The following RAP1GDS1 variants were observed in gnomAD, a reference collection of about 807,000 sequenced individuals.
RAP1GDS1 encodes the protein RAP1, GTP-GDP dissociation stimulator 1.
Under a neutral mutation model 71.1 loss-of-function variants are expected in RAP1GDS1, and 35 were observed. The ratio of observed to expected loss-of-function variants is 0.49; its 90% CI spans 0.38 to 0.65. RAP1GDS1 has a LOEUF of 0.65. Among genes scored for constraint, RAP1GDS1 ranks in the 30% least tolerant of loss-of-function variants. RAP1GDS1 has a pLI of 0.00. For synonymous variants in RAP1GDS1, 229 were observed against 243.1 expected, an observed-to-expected ratio of 0.94 and a Z score of 0.54; for missense variants, 663 against 706.1, an observed-to-expected ratio of 0.94 and a Z score of 0.69.
chr4:98,273,113 C>T (rs373100340), intron 1 of RAP1GDS1, among the ~76,000 whole-genome samples: 7 of 152,242 alleles, frequency 4.6e-5, no homozygotes, highest in South Asian at 4.2e-4. Flanking sequence ...TCTAGGCTCT[C>T]GTCTCCTTTG....
chr4:98,295,960 T>C (rs992037794), intron 2 of RAP1GDS1, among the ~76,000 whole-genome samples: 3 of 152,192 alleles, frequency 2.0e-5, no homozygotes, highest in Non-Finnish European at 4.4e-5. Flanking sequence ...ATTGAGCCAT[T>C]GCTACTTCTG....
At chr4:98,355,864 T>G (rs1403425216) in intron 4 of RAP1GDS1, among the ~76,000 whole-genome samples, 1 of 152,154 alleles carries the variant, frequency 6.6e-6, no homozygotes, top group Non-Finnish European at 1.5e-5. Flanking sequence ...TAAAGCTTTG[T>G]TGCTGATGAA....
At chr4:98,329,516 G>A (rs903009430) in intron 2 of RAP1GDS1, among the ~76,000 whole-genome samples, 6 of 152,050 alleles carry the variant, frequency 3.9e-5, no homozygotes, top group African/African-American at 1.4e-4. Context: ...AGGGCAAGGT[G>A]TGGTGGCTCA....
chr4:98,270,238 T>C (rs1303617480), intron 1 of RAP1GDS1, among the ~76,000 whole-genome samples: 2 of 152,152 alleles, frequency 1.3e-5, no homozygotes, highest in South Asian at 2.1e-4. Context: ...TACTGTTGTG[T>C]TTAAGTTTCA....
At chr4:98,428,489 TCAAA>T (rs1476801033) in intron 12 of RAP1GDS1, among the ~76,000 whole-genome samples, 5 of 151,650 alleles carry the variant, frequency 3.3e-5, no homozygotes, top group African/African-American at 7.3e-5. Context: ...TACAATAAAC[TCAAA>T]CAAACTAGCA....
chr4:98,358,780 G>A (rs1300017209), intron 4 of RAP1GDS1, among the ~76,000 whole-genome samples: 1 of 151,898 alleles, frequency 6.6e-6, no homozygotes, highest in Admixed American at 6.6e-5. Context: ...ATATGAATAA[G>A]GTCTGACATT....
chr4:98,382,011 G>A (rs1477326258), intron 5 of RAP1GDS1, among the ~76,000 whole-genome samples: 3 of 151,310 alleles, frequency 2.0e-5, no homozygotes, highest in African/African-American at 7.3e-5. Flanking sequence ...CATTAAATAA[G>A]GAATAAAACA....
intron 5 of RAP1GDS1, among the ~76,000 whole-genome samples, chr4:98,388,364 G>T (rs937800930): frequency 6.6e-6 from 1 of 152,008 alleles, no homozygotes; most frequent in Non-Finnish European, 1.5e-5. Context: ...TATCACTTCT[G>T]CTAAGCACAT....
chr4:98,344,520 G>A (rs1735958839), intron 3 of RAP1GDS1, among the ~76,000 whole-genome samples: 1 of 151,990 alleles, frequency 6.6e-6, no homozygotes, highest in Non-Finnish European at 1.5e-5. Flanking sequence ...TTGTGAAATG[G>A]ATTGCCATTC....
intron 5 of RAP1GDS1, among the ~76,000 whole-genome samples, chr4:98,387,833 CCTGGAGGTG>C (rs1742993630): frequency 6.6e-6 from 1 of 152,102 alleles, no homozygotes; most frequent in Admixed American, 6.5e-5. Flanking sequence ...ATAACATTCT[CCTGGAGGTG>C]CTGATATTCA....
Position 98,416,799 on chromosome 4 carries a change from T to C in RAP1GDS1, c.818T>C (p.Ile273Thr). The change falls in exon 8 of 15, where the codon ATT becomes ACT. Residue 273 changes from isoleucine (I) to threonine (T), a missense_variant. By Grantham distance (89) the Ile-to-Thr change is moderately conservative. Transcript: ENST00000408927. ...EAGLVECLLE[I>T]VQQKVDSDKE... The stretch of plus-strand genomic sequence containing the variant: ...GGCCTAGTAGAGTGTCTACTAGAGA[T>C]TGTTCAGCAAAAAGTGGATAGTGAC... 6.2e-7 allele frequency: 1 copy of C among 1,612,542 alleles called. No individual in the cohort carries two copies. The highest frequency in any genetic ancestry group is 8.5e-7 in the Non-Finnish European group (1 of 1,178,588).
At chr4:98,296,352 T>TAG (rs1727751067) in intron 2 of RAP1GDS1, among the ~76,000 whole-genome samples, 2 of 152,142 alleles carry the variant, frequency 1.3e-5, no homozygotes, top group Admixed American at 6.6e-5. Flanking sequence ...AATCTGAAAT[T>TAG]AGAATTTTTA....
At chr4:98,413,183 TC>T (rs1338694198) in intron 7 of RAP1GDS1, among the ~76,000 whole-genome samples, 1 of 150,982 alleles carries the variant, frequency 6.6e-6, no homozygotes, top group East Asian at 1.9e-4. Flanking sequence ...TTTATAGACC[TC>T]CCCCCAGGAA....
At chr4:98,315,928 C>A (rs1730869397) in intron 2 of RAP1GDS1, among the ~76,000 whole-genome samples, 1 of 152,026 alleles carries the variant, frequency 6.6e-6, no homozygotes, top group Non-Finnish European at 1.5e-5. Flanking sequence ...AATAATAAAT[C>A]TTTAGAGTTC....
At chr4:98,393,485 T>A (rs1744042165) in intron 6 of RAP1GDS1, among the ~76,000 whole-genome samples, 1 of 152,208 alleles carries the variant, frequency 6.6e-6, no homozygotes, top group African/African-American at 2.4e-5. Context: ...TAAAATGGAA[T>A]GTAGGAGTTT....
chr4:98,382,585 T>G (rs1742171981), intron 5 of RAP1GDS1, among the ~76,000 whole-genome samples: 1 of 151,622 alleles, frequency 6.6e-6, no homozygotes. Flanking sequence ...TTTAATCTCA[T>G]TAGTTTGTTA....
intron 2 of RAP1GDS1, among the ~76,000 whole-genome samples, chr4:98,302,008 G>A (rs962204147): frequency 1.3e-5 from 2 of 152,028 alleles, no homozygotes; most frequent in African/African-American, 4.8e-5. Flanking sequence ...TGCCCTTACT[G>A]CATTCAATTT....
At chr4:98,378,472 C>G (rs1357604965) in intron 4 of RAP1GDS1, among the ~76,000 whole-genome samples, 1 of 151,850 alleles carries the variant, frequency 6.6e-6, no homozygotes, top group Non-Finnish European at 1.5e-5. Context: ...ACCATAGTAC[C>G]AATATTCAGG....
intron 2 of RAP1GDS1, among the ~76,000 whole-genome samples, chr4:98,341,726 A>T (rs10003517): frequency 0.015 from 2,259 of 152,038 alleles, 49 homozygotes; most frequent in African/African-American, 0.05. Context: ...AAAAAAAAAA[A>T]ATCTTAGGTG....
Sources: allele counts gnomAD v4.1 joint callset (sites outside exome capture counted in the v4.1 genomes callset), GRCh38; gene constraint gnomAD v4.1.1; transcripts MANE v1.5; gene names NCBI Gene and HGNC (gene_info 2026-07-23, HGNC 2026-07-21).